TAF1B: variants seen among roughly 807,000 people sequenced by gnomAD.
TAF1B encodes TATA-box binding protein associated factor, RNA polymerase I subunit B, also known as TATA box-binding protein-associated factor RNA polymerase I subunit B.
TAF1B carries 61 observed loss-of-function variants against 83.9 expected under a neutral mutation model. The ratio of observed to expected loss-of-function variants is 0.73; its 90% CI spans 0.59 to 0.90. TAF1B has a LOEUF of 0.90. Among genes scored for constraint, TAF1B ranks in the 40% least tolerant of loss-of-function variants. TAF1B has a pLI of 0.00. For synonymous variants in TAF1B, 221 were observed against 224.6 expected (o/e 0.98, Z 0.14); for missense variants, 625 against 677.0 (o/e 0.92, Z 0.85).
At chr2:9,879,337 A>G (rs1414221335) in intron 7 of TAF1B, among the ~76,000 whole-genome samples, 2 of 152,206 alleles carry the variant, frequency 1.3e-5, no homozygotes, top group East Asian at 3.8e-4. Flanking sequence ...GAATGAGCCA[A>G]TGAACTACAA....
chr2:9,898,382 C>CT, intron 8 of TAF1B, among the ~76,000 whole-genome samples: 1 of 152,278 alleles, frequency 6.6e-6, no homozygotes, highest in African/African-American at 2.4e-5. Flanking sequence ...CTATGTCTGT[C>CT]TTTTGTTATT....
intron 6 of TAF1B, among the ~76,000 whole-genome samples, chr2:9,874,020 C>T (rs1246209106): frequency 6.6e-6 from 1 of 152,124 alleles, no homozygotes; most frequent in African/African-American, 2.4e-5. Flanking sequence ...TAATGACCTA[C>T]AAAATTCTAC....
intron 4 of TAF1B, among the ~76,000 whole-genome samples, chr2:9,853,767 G>A (rs956447174): frequency 6.6e-6 from 1 of 152,130 alleles, no homozygotes; most frequent in African/African-American, 2.4e-5. Context: ...AGCCGGAAAA[G>A]TTTTTTGTTT....
intron 8 of TAF1B, among the ~76,000 whole-genome samples, chr2:9,898,063 A>G (rs1425275255): frequency 6.6e-6 from 1 of 151,694 alleles, no homozygotes; most frequent in Non-Finnish European, 1.5e-5. Context: ...GGAGAGTAAA[A>G]CTATCTGAGC....
At chr2:9,867,781 C>T (rs915948669) in intron 5 of TAF1B, among the ~76,000 whole-genome samples, 50 of 152,002 alleles carry the variant, frequency 3.3e-4, no homozygotes, top group African/African-American at 1.2e-3. Flanking sequence ...GTATATGCTA[C>T]AGGAGTTCAA....
intron 2 of TAF1B, among the ~76,000 whole-genome samples, chr2:9,848,516 A>T (rs1663278582): frequency 6.6e-6 from 1 of 152,278 alleles, no homozygotes; most frequent in Admixed American, 6.5e-5. Context: ...AAAATACAAA[A>T]TTAGCCAGGC....
At chr2:9,915,211 C>G (rs1214805496) in intron 12 of TAF1B, among the ~76,000 whole-genome samples, 4 of 152,090 alleles carry the variant, frequency 2.6e-5, no homozygotes, top group Admixed American at 1.3e-4. Context: ...AATTTGAGTT[C>G]ACTGCTAATT....
chr2:9,855,457 T>A (rs1048417658), intron 5 of TAF1B, among the ~76,000 whole-genome samples: 2 of 152,146 alleles, frequency 1.3e-5, no homozygotes, highest in African/African-American at 4.8e-5. Context: ...GGCAAGAGGA[T>A]TGCTTGAGCC....
intron 12 of TAF1B, among the ~76,000 whole-genome samples, chr2:9,918,084 AG>A (rs1268227665): frequency 1.3e-5 from 2 of 152,108 alleles, no homozygotes; most frequent in African/African-American, 4.8e-5. Flanking sequence ...AAAAAAAAAA[AG>A]AAAATGGTGG....
At chr2:9,925,811 G>A (rs556115931) in intron 14 of TAF1B, among the ~76,000 whole-genome samples, 42 of 152,162 alleles carry the variant, frequency 2.8e-4, no homozygotes, top group African/African-American at 8.4e-4. Context: ...TCCTGACCTC[G>A]TGATCTGCCC....
chr2:9,934,047 TATAAC>T lies in TAF1B; in HGVS notation c.*66_*70del. ...TAGTGATAATAACATCAGATTTTAA[TATAAC>T]ATTCCAGAGAATTGTGGAAAATACT... On this transcript the variant is annotated 3_prime_UTR_variant, in exon 15 of 15. Transcript: ENST00000263663. The T allele has an allele frequency of 7.7e-7, 1 of 1,305,138 alleles. No individual in the cohort carries two copies. The allele number at this position is 1,305,138 out of a possible 1,614,324, so 80.8% of individuals were successfully genotyped here. A position where few individuals can be genotyped will look rare whatever the true frequency, so the allele number is the denominator to read the frequency against.
At chr2:9,887,652 A>G (rs989827896) in intron 8 of TAF1B, among the ~76,000 whole-genome samples, 1 of 151,912 alleles carries the variant, frequency 6.6e-6, no homozygotes, top group Non-Finnish European at 1.5e-5. Context: ...TTAGTATGTC[A>G]TTGGGTGTTG....
chr2:9,873,308 T>G (rs1415636455), intron 6 of TAF1B, among the ~76,000 whole-genome samples: 1 of 152,198 alleles, frequency 6.6e-6, no homozygotes, highest in Non-Finnish European at 1.5e-5. Flanking sequence ...AAGAAAGGAC[T>G]TACAGAATTT....
chr2:9,868,443 C>G lies in TAF1B; in HGVS notation c.553+14C>G. ...CATCACAATCAGGTAAAAATGAGAA[C>G]CAAACCATTTCGAATTTTAAAGCTG... On this transcript the variant is annotated intron_variant, in intron 6 of 14. Transcript: ENST00000263663. 1 of 1,598,166 alleles carries G rather than the reference C, an allele frequency of 6.3e-7. No individual in the cohort carries two copies. The highest frequency in any genetic ancestry group is 8.5e-7 in the Non-Finnish European group (1 of 1,172,386).
chr2:9,912,444 G>A (rs961803318), intron 11 of TAF1B, among the ~76,000 whole-genome samples: 3 of 152,102 alleles, frequency 2.0e-5, no homozygotes, highest in Non-Finnish European at 4.4e-5. Context: ...CAGTTTGTGT[G>A]TTCTTTCCAG....
At chr2:9,906,969 C>T (rs1224850771) in intron 9 of TAF1B, among the ~76,000 whole-genome samples, 2 of 152,150 alleles carry the variant, frequency 1.3e-5, no homozygotes, top group African/African-American at 2.4e-5. Flanking sequence ...CCTTGAACTC[C>T]TGGGCTCCAG....
chr2:9,872,392 T>C (rs527673020), intron 6 of TAF1B, among the ~76,000 whole-genome samples: 1 of 152,202 alleles, frequency 6.6e-6, no homozygotes, highest in South Asian at 2.1e-4. Flanking sequence ...GCAGTCATCC[T>C]GGTGTTAGGC....
chr2:9,916,319 A>G (rs1410758312), intron 12 of TAF1B, among the ~76,000 whole-genome samples: 1 of 152,264 alleles, frequency 6.6e-6, no homozygotes, highest in Non-Finnish European at 1.5e-5. Flanking sequence ...CTCCTTTTGT[A>G]GTTTTATGTA....
At chr2:9,851,680 G>T in intron 4 of TAF1B, 42 bp downstream of exon 4, 1 of 1,523,816 alleles carries the variant, frequency 6.6e-7, no homozygotes, top group Non-Finnish European at 9.0e-7. Flanking sequence ...ACATATTTTT[G>T]TTTAAAGAAC....
Sources: gnomAD v4.1 joint callset for allele counts (sites outside exome capture counted in the v4.1 genomes callset) on GRCh38, gnomAD v4.1.1 for gene constraint, MANE v1.5 for transcripts, NCBI Gene and HGNC (gene_info 2026-07-23, HGNC 2026-07-21) for gene names.